NALF1: variants seen among roughly 807,000 people sequenced by gnomAD.
NALF1 encodes the protein NALCN channel auxiliary factor 1, also known as family with sequence similarity 155 member A.
A neutral mutation model predicts 48.4 loss-of-function variants in NALF1; 3 were observed. The observed-to-expected ratio is 0.06, with a 90% confidence interval of 0.03 to 0.16. The LOEUF (loss-of-function observed/expected upper bound fraction) is 0.16. NALF1 is among the 10% of genes least tolerant of loss of function. The pLI, the probability that NALF1 is intolerant of heterozygous loss-of-function variation, is 1.00. For synonymous variants in NALF1, 262 were observed against 245.7 expected (o/e 1.07, Z -0.62); for missense variants, 526 against 571.5 (o/e 0.92, Z 0.81).
chr13:107,608,386 C>T (rs1168928919), intron 1 of NALF1, among the ~76,000 whole-genome samples: 1 of 152,144 alleles, frequency 6.6e-6, no homozygotes, highest in Non-Finnish European at 1.5e-5. Context: ...CCCCCTATTG[C>T]AAGTTGGAGG....
At chr13:107,799,043 A>C (rs943813439) in intron 1 of NALF1, among the ~76,000 whole-genome samples, 4 of 152,304 alleles carry the variant, frequency 2.6e-5, no homozygotes, top group Admixed American at 2.6e-4. Flanking sequence ...GTGACCCGGA[A>C]ATTGCAGACT....
intron 1 of NALF1, among the ~76,000 whole-genome samples, chr13:107,611,795 C>A (rs1044284451): frequency 6.6e-6 from 1 of 151,224 alleles, no homozygotes; most frequent in Non-Finnish European, 1.5e-5. Flanking sequence ...TGGTGGCATA[C>A]ACCTATAAGC....
chr13:107,411,112 C>T lies in NALF1; in HGVS notation c.916-200357G>A, dbSNP rs552005497. Reference sequence around the variant, plus strand: ...CAAGGTGGCATCTCAGCTTTCAAGACCTTAGGGGTGGTTTGAGCTGTCTTA... The same window carrying T: ...CAAGGTGGCATCTCAGCTTTCAAGATCTTAGGGGTGGTTTGAGCTGTCTTA... On this transcript the variant is annotated intron_variant, in intron 1 of 2. Transcript: ENST00000375915. 3.9e-5 allele frequency among the ~76,000 whole-genome samples: 6 copies of T among 152,164 alleles called. No homozygotes were observed. In the East Asian group the frequency reaches 1.2e-3, roughly 29 times the overall value.
At chr13:107,512,557 C>T (rs1314182428) in intron 1 of NALF1, among the ~76,000 whole-genome samples, 1 of 152,100 alleles carries the variant, frequency 6.6e-6, no homozygotes. Context: ...CAGAAGAAAA[C>T]AGCTGTATTG....
chr13:107,722,213 T>C (rs190002752), intron 1 of NALF1, among the ~76,000 whole-genome samples: 4 of 152,186 alleles, frequency 2.6e-5, no homozygotes, highest in Admixed American at 2.6e-4. Context: ...CCTTTCTGTA[T>C]TCAGAATCCA....
At chr13:107,201,722 T>C (rs948452896) in intron 2 of NALF1, among the ~76,000 whole-genome samples, 3 of 152,226 alleles carry the variant, frequency 2.0e-5, no homozygotes, top group African/African-American at 7.2e-5. Context: ...TCCCGCGTAC[T>C]TGAAGGTGGA....
chr13:107,865,340 T>C (rs56203375), intron 1 of NALF1, among the ~76,000 whole-genome samples: 33,234 of 152,074 alleles, frequency 0.22, 3,905 homozygotes, highest in East Asian at 0.48. Context: ...TCATTGCTAT[T>C]TTCCTGACAA....
intron 1 of NALF1, among the ~76,000 whole-genome samples, chr13:107,673,154 A>G (rs1233693388): frequency 6.6e-6 from 1 of 152,042 alleles, no homozygotes; most frequent in Non-Finnish European, 1.5e-5. Flanking sequence ...TGTTCTAAAG[A>G]CTTTCCAATA....
intron 1 of NALF1, among the ~76,000 whole-genome samples, chr13:107,747,359 T>G (rs543136784): frequency 6.6e-6 from 1 of 152,334 alleles, no homozygotes; most frequent in Non-Finnish European, 1.5e-5. Flanking sequence ...TCTTTTGGGA[T>G]GCTCAAACTT....
chr13:107,527,457 C>T (rs528962167), intron 1 of NALF1, among the ~76,000 whole-genome samples: 23 of 151,816 alleles, frequency 1.5e-4, no homozygotes, highest in African/African-American at 4.4e-4. Context: ...GTTTTAATTA[C>T]GCATATGCAT....
At chr13:107,637,913 T>C (rs11618393) in intron 1 of NALF1, among the ~76,000 whole-genome samples, 89,869 of 151,638 alleles carry the variant, frequency 0.59, 28,625 homozygotes, top group East Asian at 0.99. Context: ...ACTGGCATTT[T>C]AGCTTGTGAT....
At chr13:107,374,143 G>A (rs1374451896) in intron 1 of NALF1, among the ~76,000 whole-genome samples, 2 of 152,112 alleles carry the variant, frequency 1.3e-5, no homozygotes, top group African/African-American at 2.4e-5. Context: ...ACATCCATCA[G>A]TGTCGTTTTC....
chr13:107,607,886 A>C (rs1299999204), intron 1 of NALF1, among the ~76,000 whole-genome samples: 1 of 152,182 alleles, frequency 6.6e-6, no homozygotes, highest in East Asian at 1.9e-4. Flanking sequence ...TGAAAACATA[A>C]TTAGTCTATA....
rs2138759800 is a variant in NALF1 at position 107,168,660 on chromosome 13, A to T, written c.*1837T>A. 6.5e-6 allele frequency: 1 copy of T among 152,730 alleles called. No homozygotes were observed. The highest frequency in any genetic ancestry group is 1.5e-5 in the Non-Finnish European group (1 of 68,022). The allele number at this position is 152,730 out of a possible 1,614,324, so 9.5% of individuals were successfully genotyped here. On this transcript the variant is annotated 3_prime_UTR_variant, in exon 3 of 3. Coordinates refer to ENST00000375915, the MANE Select transcript of NALF1 (RefSeq NM_001080396.3). ...CATGTACTGCTAAACAATTCTAGCA[A>T]TTTTATTAAGCAATACCTTTATTAT...
In NALF1 at chr13:107,170,539, T is replaced by G. The variant is rs760117740; in HGVS notation, c.1335A>C (p.Gly445=). ...AAQNTAGLSF[G]GINTLEENST... ...AGTTTTCTTCCAGCGTGTTGATGCC[T>G]CCAAAGCTCAGTCCGGCTGTGTTCT... The change falls in exon 3 of 3, where the codon GGA becomes GGC. Residue 445 remains glycine, a synonymous_variant. Coordinates refer to ENST00000375915, the MANE Select transcript of NALF1 (RefSeq NM_001080396.3). 154 of 1,612,172 alleles carry G rather than the reference T, an allele frequency of 9.6e-5. No individual in the cohort carries two copies. Among genetic ancestry groups the G allele is most frequent in the Non-Finnish European group, 1.3e-4 (153 of 1,178,774 alleles).
chr13:107,517,492 C>T (rs1266806661), intron 1 of NALF1, among the ~76,000 whole-genome samples: 2 of 151,832 alleles, frequency 1.3e-5, no homozygotes, highest in African/African-American at 2.4e-5. Flanking sequence ...ATTAGCCGGG[C>T]GTGGTGGTGG....
At chr13:107,205,364 A>G (rs1160547471) in intron 2 of NALF1, among the ~76,000 whole-genome samples, 2 of 152,046 alleles carry the variant, frequency 1.3e-5, no homozygotes, top group African/African-American at 4.8e-5. Context: ...GATGCCAAAC[A>G]TTTAAAAAAA....
intron 1 of NALF1, among the ~76,000 whole-genome samples, chr13:107,630,757 T>C (rs981294096): frequency 3.9e-5 from 6 of 151,944 alleles, no homozygotes; most frequent in Admixed American, 1.3e-4. Flanking sequence ...TATATATATA[T>C]ATATTTATAC....
intron 1 of NALF1, among the ~76,000 whole-genome samples, chr13:107,565,758 C>A (rs1877793319): frequency 6.6e-6 from 1 of 152,092 alleles, no homozygotes; most frequent in African/African-American, 2.4e-5. Flanking sequence ...TAACTTACAA[C>A]CATTAATTAG....
Sources: gnomAD v4.1 joint callset for allele counts (sites outside exome capture counted in the v4.1 genomes callset) on GRCh38, gnomAD v4.1.1 for gene constraint, MANE v1.5 for transcripts, NCBI Gene and HGNC (gene_info 2026-07-23, HGNC 2026-07-21) for gene names.